Variants in GRM5 observed in about 807,000 individuals in gnomAD.
GRM5 encodes metabotropic glutamate receptor 5.
Under a neutral mutation model 83.1 loss-of-function variants are expected in GRM5, and 19 were observed. The ratio of observed to expected loss-of-function variants is 0.23; its 90% CI spans 0.16 to 0.34. GRM5 has a LOEUF of 0.34. Among genes scored for constraint, GRM5 ranks in the 10% least tolerant of loss-of-function variants. The pLI is 1.00. For synonymous variants in GRM5, 675 were observed against 633.6 expected (o/e 1.07, Z -0.98); for missense variants, 1,160 against 1,588.3 (o/e 0.73, Z 4.58).
chr11:88,623,207 T>G (rs912596491), intron 4 of GRM5, among the ~76,000 whole-genome samples: 8 of 152,186 alleles, frequency 5.3e-5, no homozygotes, highest in Non-Finnish European at 1.2e-4. Flanking sequence ...TGCCTCAGCC[T>G]TCCGAGTAGC....
chr11:88,763,722 C>G (rs1237890944), intron 3 of GRM5, among the ~76,000 whole-genome samples: 4 of 151,548 alleles, frequency 2.6e-5, no homozygotes, highest in African/African-American at 9.7e-5. Context: ...TAGATGTAAT[C>G]CCCATGGTAA....
chr11:89,064,890 G>C (rs7104315), intron 1 of GRM5, among the ~76,000 whole-genome samples: 14,291 of 61,246 alleles, frequency 0.23, 1,344 homozygotes, highest in Non-Finnish European at 0.31. Flanking sequence ...CTCTCTCTCT[G>C]TGTGTGTGTG....
intron 3 of GRM5, among the ~76,000 whole-genome samples, chr11:88,772,574 G>A (rs1411502342): frequency 6.6e-6 from 1 of 151,952 alleles, no homozygotes; most frequent in African/African-American, 2.4e-5. Context: ...ACATTAGGTA[G>A]TTCTCCTAAT....
At chr11:88,949,773 T>C (rs1449503756) in intron 2 of GRM5, among the ~76,000 whole-genome samples, 1 of 152,206 alleles carries the variant, frequency 6.6e-6, no homozygotes, top group East Asian at 1.9e-4. Context: ...GCAAAAACTT[T>C]ATTCAATACC....
rs190149482 is a variant in GRM5 at position 88,559,012 on chromosome 11, C to T, written c.2630+8041G>A. Among the ~76,000 whole-genome samples the T allele has an allele frequency of 2.0e-5, 3 of 151,366 alleles. No individual in the cohort carries two copies. The East Asian group carries it at 5.8e-4, about 29-fold the overall frequency. ...AACTTTGTAACTAAAAATATTATAC[C>T]AAAAAGTAGTGTAAGTCTTCTCAAT... On this transcript the variant is annotated intron_variant, in intron 8 of 9. Coordinates refer to ENST00000305447, the MANE Select transcript of GRM5 (RefSeq NM_001143831.3).
intron 3 of GRM5, among the ~76,000 whole-genome samples, chr11:88,775,294 T>C (rs1309707113): frequency 2.8e-5 from 2 of 70,424 alleles, no homozygotes; most frequent in Non-Finnish European, 6.8e-5. Context: ...ATATCCCCTT[T>C]ATCATTTTTT....
chr11:88,817,132 A>C (rs1943707018), intron 3 of GRM5, among the ~76,000 whole-genome samples: 1 of 152,140 alleles, frequency 6.6e-6, no homozygotes, highest in African/African-American at 2.4e-5. Context: ...TCACTCCATG[A>C]AGAGAACAAA....
chr11:89,013,355 A>C (rs1404574333), intron 2 of GRM5, among the ~76,000 whole-genome samples: 2 of 152,236 alleles, frequency 1.3e-5, no homozygotes, highest in Non-Finnish European at 2.9e-5. Context: ...AGAAAGAAAC[A>C]AATAACTTCT....
intron 4 of GRM5, among the ~76,000 whole-genome samples, chr11:88,608,576 T>C (rs1046604453): frequency 7.2e-6 from 1 of 139,378 alleles, no homozygotes; most frequent in Non-Finnish European, 1.5e-5. Context: ...TGGAGTGCAG[T>C]GGCGCGATAT....
intron 3 of GRM5, among the ~76,000 whole-genome samples, chr11:88,765,186 T>C (rs983747832): frequency 2.0e-5 from 3 of 151,212 alleles, no homozygotes. Context: ...CTGTAAGTAG[T>C]AAGGATATTG....
At position 89,034,984 on chromosome 11, in the gene GRM5, A is replaced by G. The variant is rs1941352144; in HGVS notation, c.661+12228T>C. On this transcript the variant is annotated intron_variant, in intron 2 of 9. Coordinates refer to ENST00000305447, the MANE Select transcript of GRM5 (RefSeq NM_001143831.3). ...TTTTAATAAAACCTATAGTTTTAAC[A>G]TAATATATAATGGAATCTATAGTTA... Among the ~76,000 whole-genome samples the G allele has an allele frequency of 2.0e-5, 3 of 151,528 alleles. No individual in the cohort carries two copies. The South Asian group carries it at 6.2e-4, about 31-fold the overall frequency.
At chr11:88,519,912 A>G (rs1449377266) in intron 9 of GRM5, among the ~76,000 whole-genome samples, 1 of 152,194 alleles carries the variant, frequency 6.6e-6, no homozygotes, top group Non-Finnish European at 1.5e-5. Flanking sequence ...GCATCACAGT[A>G]AGATAAGTGC....
At chr11:88,652,495 T>G (rs1378240485) in intron 4 of GRM5, among the ~76,000 whole-genome samples, 2 of 152,064 alleles carry the variant, frequency 1.3e-5, no homozygotes, top group Non-Finnish European at 2.9e-5. Context: ...TCAATTGCAA[T>G]TTTTGTTGGC....
chr11:88,855,620 G>A (rs1944461548), intron 2 of GRM5, among the ~76,000 whole-genome samples: 1 of 151,804 alleles, frequency 6.6e-6, no homozygotes, highest in South Asian at 2.1e-4. Flanking sequence ...CAACGATGCT[G>A]AATTTTTTCT....
At chr11:89,001,897 G>T (rs1052310159) in intron 2 of GRM5, among the ~76,000 whole-genome samples, 2 of 152,088 alleles carry the variant, frequency 1.3e-5, no homozygotes, top group African/African-American at 4.8e-5. Context: ...TAAACAGACT[G>T]TCATTTTTAA....
chr11:88,612,473 G>T (rs1938350205), intron 4 of GRM5, among the ~76,000 whole-genome samples: 1 of 152,074 alleles, frequency 6.6e-6, no homozygotes. Flanking sequence ...AGCCCTTTGG[G>T]TATATACCCA....
chr11:88,980,128 T>G (rs1216336047), intron 2 of GRM5, among the ~76,000 whole-genome samples: 1 of 152,194 alleles, frequency 6.6e-6, no homozygotes, highest in African/African-American at 2.4e-5. Flanking sequence ...ACAGACTAAT[T>G]CTTCAGTGCA....
At chr11:89,031,099 A>G (rs1941251841) in intron 2 of GRM5, among the ~76,000 whole-genome samples, 1 of 152,054 alleles carries the variant, frequency 6.6e-6, no homozygotes, top group South Asian at 2.1e-4. Context: ...TTATATATTT[A>G]AAACTTCAAA....
chr11:89,040,240 AT>A (rs1376878190), intron 2 of GRM5, among the ~76,000 whole-genome samples: 1 of 152,194 alleles, frequency 6.6e-6, no homozygotes, highest in Non-Finnish European at 1.5e-5. Flanking sequence ...ACAGTTAGTA[AT>A]TTTAACTTAT....
Sources: gnomAD v4.1 joint callset for allele counts (sites outside exome capture counted in the v4.1 genomes callset) on GRCh38, gnomAD v4.1.1 for gene constraint, MANE v1.5 for transcripts, NCBI Gene and HGNC (gene_info 2026-07-23, HGNC 2026-07-21) for gene names.